DYNC2LI1: variants seen among roughly 807,000 people sequenced by gnomAD.
DYNC2LI1 encodes the protein cytoplasmic dynein 2 light intermediate chain 1.
Under a neutral mutation model 51.9 loss-of-function variants are expected in DYNC2LI1, and 45 were observed. The ratio of observed to expected loss-of-function variants is 0.87; its 90% confidence interval spans 0.68 to 1.11. The LOEUF is 1.11. Among genes scored for constraint, DYNC2LI1 ranks in the 50% most tolerant of loss-of-function variants. The pLI is 0.00. For missense variants in DYNC2LI1, 490 were observed against 417.4 expected (o/e 1.17, Z -1.51); for synonymous variants, 130 against 137.8 (o/e 0.94, Z 0.40).
chr2:43,824,043 C>A, the DYNC2LI1 span: 11 of 1,614,214 alleles, frequency 6.8e-6, no homozygotes, highest in Non-Finnish European at 8.5e-6. Context: ...AAAGGAGGAA[C>A]AAACCCATGA....
chr2:43,820,740 G>A, the DYNC2LI1 span, among the ~76,000 whole-genome samples: 2 of 152,094 alleles, frequency 1.3e-5, no homozygotes, highest in Non-Finnish European at 2.9e-5. Flanking sequence ...TGCAACCTCT[G>A]CTTCCCAGGT....
downstream of DYNC2LI1, among the ~76,000 whole-genome samples, chr2:43,812,282 C>G (rs938416225): frequency 4.7e-5 from 7 of 147,588 alleles, no homozygotes; most frequent in Non-Finnish European, 1.0e-4. Context: ...GGGGTTATTT[C>G]TCAGTGCATA....
chr2:43,810,235 C>G (rs1209069239), downstream of DYNC2LI1: 24 of 537,630 alleles, frequency 4.5e-5, no homozygotes, highest in Non-Finnish European at 5.2e-5. Flanking sequence ...GCAAGAAGCA[C>G]CTGAAATAGG....
chr2:43,794,545 C>T lies in DYNC2LI1; in HGVS notation c.409C>T (p.His137Tyr), dbSNP rs1673945372. 2.5e-6 allele frequency: 4 copies of T among 1,613,894 alleles called. No individual in the cohort carries two copies. Among genetic ancestry groups the T allele is most frequent in the Non-Finnish European group, 3.4e-6 (4 of 1,179,988 alleles). Residue 137 changes from histidine (H) to tyrosine (Y), a missense_variant, in exon 6 of 13, where the codon CAT (histidine) becomes TAT (tyrosine). His to Tyr is a moderately conservative substitution (Grantham distance 83). Coordinates refer to ENST00000260605, the MANE Select transcript of DYNC2LI1 (RefSeq NM_016008.4). ...MENLLQATKS[H>Y]VDKVIMKLGK... Reference sequence around the variant, plus strand: ...AAATCTCTTGCAAGCCACAAAAAGCCATGTAGACAAAGTGATAATGAAACT... The same window carrying T: ...AAATCTCTTGCAAGCCACAAAAAGCTATGTAGACAAAGTGATAATGAAACT...
chr2:43,792,423 A>G (rs1455534390), intron 5 of DYNC2LI1, among the ~76,000 whole-genome samples: 1 of 152,224 alleles, frequency 6.6e-6, no homozygotes, highest in Non-Finnish European at 1.5e-5. Context: ...TATATTGGAT[A>G]TAATCCTAAA....
chr2:43,828,041 G>GC, the DYNC2LI1 span: 1 of 1,614,078 alleles, frequency 6.2e-7, no homozygotes, highest in Non-Finnish European at 8.5e-7. Flanking sequence ...CCGTGGAAAT[G>GC]CCCCCCAAGC....
intron 1 of DYNC2LI1, among the ~76,000 whole-genome samples, chr2:43,774,798 A>T (rs557590281): frequency 6.6e-6 from 1 of 152,106 alleles, no homozygotes; most frequent in Non-Finnish European, 1.5e-5. Flanking sequence ...GTTAGTTATA[A>T]AGCTATGGTT....
chr2:43,802,884 G>C lies in DYNC2LI1; in HGVS notation c.802+1175G>C, dbSNP rs80030331. On this transcript the variant is annotated intron_variant, in intron 10 of 12. Transcript: ENST00000260605. ...ATAAGCAGACATTTCATTTCAGAGA[G>C]GACATAAACATAGCAAAGCAGCACA... Among the ~76,000 whole-genome samples, 1,362 of 152,250 alleles carry C rather than the reference G, an allele frequency of 8.9e-3. 24 individuals carry two copies. The highest frequency in any genetic ancestry group is 0.031 in the African/African-American group (1,296 of 41,546).
chr2:43,807,878 C>T (rs1221024215), intron 12 of DYNC2LI1, among the ~76,000 whole-genome samples: 1 of 151,494 alleles, frequency 6.6e-6, no homozygotes, highest in South Asian at 2.1e-4. Context: ...TATTTTGAGG[C>T]CGTATCATTG....
chr2:43,804,857 A>G (rs1341229044), intron 11 of DYNC2LI1, 118 bp downstream of exon 11: 3 of 628,822 alleles, frequency 4.8e-6, no homozygotes, highest in Middle Eastern at 4.3e-4. Flanking sequence ...TCAAAAATCA[A>G]TTAAACATTT....
chr2:43,784,583 T>A (rs1424295239), intron 3 of DYNC2LI1, among the ~76,000 whole-genome samples: 1 of 152,072 alleles, frequency 6.6e-6, no homozygotes, highest in East Asian at 1.9e-4. Flanking sequence ...TACAGGCATG[T>A]GCCACCACGC....
At chr2:43,807,509 G>C (rs138749148) in intron 12 of DYNC2LI1, among the ~76,000 whole-genome samples, 18 of 151,952 alleles carry the variant, frequency 1.2e-4, no homozygotes, top group African/African-American at 3.6e-4. Context: ...GGGAGATCAT[G>C]GCTCACTGCA....
intron 2 of DYNC2LI1, among the ~76,000 whole-genome samples, chr2:43,779,189 GAAGGTT>G: frequency 6.6e-6 from 1 of 152,326 alleles, no homozygotes; most frequent in Admixed American, 6.5e-5. Context: ...CTTGAGCCCA[GAAGGTT>G]AAGGCTGCCG....
intron 12 of DYNC2LI1, among the ~76,000 whole-genome samples, chr2:43,808,964 T>TAC (rs56090427): frequency 0.059 from 8,525 of 145,474 alleles, 255 homozygotes; most frequent in East Asian, 0.083. Flanking sequence ...GGACAAAGGA[T>TAC]ACACACACAC....
At chr2:43,797,477 C>T (rs113140405) in intron 8 of DYNC2LI1, among the ~76,000 whole-genome samples, 1,732 of 148,128 alleles carry the variant, frequency 0.012, 26 homozygotes, top group Non-Finnish European at 0.02. Context: ...CAGGACTAAA[C>T]TTTACTAAAT....
At chr2:43,820,133 C>A in the DYNC2LI1 span, 34 of 1,598,574 alleles carry the variant, frequency 2.1e-5, no homozygotes, top group East Asian at 7.7e-4. Context: ...GTTTCCTCTC[C>A]AAGGGCTATC....
At chr2:43,810,094 G>A, downstream of DYNC2LI1, 4 of 541,818 alleles carry the variant, frequency 7.4e-6, no homozygotes, top group Non-Finnish European at 9.6e-6. Flanking sequence ...AGAGTATTTG[G>A]TTACAGTTTT....
At chr2:43,774,291 C>A in intron 1 of DYNC2LI1, 145 bp downstream of exon 1, 1 of 1,078,894 alleles carries the variant, frequency 9.3e-7, no homozygotes, top group Non-Finnish European at 1.3e-6. Context: ...AGGAATCAGC[C>A]TTGAGCATAA....
At chr2:43,814,332 G>A, downstream of DYNC2LI1, 1 of 634,480 alleles carries the variant, frequency 1.6e-6, no homozygotes, top group Non-Finnish European at 2.8e-6. Flanking sequence ...TTAAAAATCA[G>A]AGAAAATGTT....
Sources: gnomAD v4.1 joint callset for allele counts (sites outside exome capture counted in the v4.1 genomes callset) on GRCh38, gnomAD v4.1.1 for gene constraint, MANE v1.5 for transcripts, NCBI Gene and HGNC (gene_info 2026-07-23, HGNC 2026-07-21) for gene names.